The following PRR29 variants were observed in gnomAD, a reference collection of about 807,000 sequenced individuals.
PRR29 encodes proline-rich protein 29.
A neutral mutation model predicts 25.1 loss-of-function variants in PRR29; 20 were observed. That is an observed-to-expected ratio of 0.80 (90% CI 0.56 to 1.16). The LOEUF is 1.16. Among genes scored for constraint, PRR29 ranks in the 50% most tolerant of loss-of-function variants. PRR29 has a pLI of 0.00. For synonymous variants in PRR29, 108 were observed against 102.6 expected (o/e 1.05, Z -0.32); for missense variants, 238 against 246.6 (o/e 0.97, Z 0.23).
In PRR29 at chr17:64,001,523, T is replaced by C; in HGVS notation, c.527T>C (p.Val176Ala). Residue 176 changes from valine (V) to alanine (A), a missense_variant, in exon 5 of 6, where the codon GTA (valine) becomes GCA (alanine). Coordinates refer to ENST00000412177, the MANE Select transcript of PRR29 (RefSeq NM_001164257.2). ...PSATGTVGAD[V>A]PPASDYYDAE... ...GCCACAGGGACTGTGGGTGCTGATG[T>C]ACCCCCGGCTTCAGGTAGGGCTGGG... is the stretch of plus-strand genomic sequence containing the variant. The C allele has an allele frequency of 6.6e-7, 1 of 1,515,844 alleles. No homozygotes were observed. Among genetic ancestry groups the C allele is most frequent in the Admixed American group, 2.1e-5 (1 of 48,444 alleles). The allele number at this position is 1,515,844 out of a possible 1,614,324, so 93.9% of individuals were successfully genotyped here. A position where few individuals can be genotyped will look rare whatever the true frequency, so the allele number is the denominator to read the frequency against.
At chr17:64,001,431 C>T (rs1910734676) in intron 4 of PRR29, 36 bp from the exon 5 acceptor site, 69 of 1,498,584 alleles carry the variant, frequency 4.6e-5, no homozygotes, top group Non-Finnish European at 6.1e-5. Flanking sequence ...CACCCCTGGG[C>T]CTCTGATGGG....
At position 64,001,293 on chromosome 17, in the gene PRR29, C is replaced by T; in HGVS notation, c.453C>T (p.Ala151=). The T allele has an allele frequency of 6.5e-7, 1 of 1,536,202 alleles. No individual in the cohort carries two copies. The highest frequency in any genetic ancestry group is 1.2e-5 in the South Asian group (1 of 84,040). The change falls in exon 4 of 6, where the codon GCC becomes GCT. Residue 151 remains alanine, a synonymous_variant. Transcript: ENST00000412177. ...TGCCCAGGATTCAGCACTGTCCTGC[C>T]TCCAGGGAAAGGGAGGTGTAAGTGA... ...QDVPRIQHCP[A]SREREVRAVP... is the part of the protein sequence containing the mutation.
At chr17:63,998,939 G>A (rs778303277) in intron 2 of PRR29, 29 bp from the exon 3 acceptor site, 77 of 1,531,868 alleles carry the variant, frequency 5.0e-5, no homozygotes, top group Non-Finnish European at 6.2e-5. Flanking sequence ...CGGAGGCCCG[G>A]CGTGGGCTTG....
chr17:64,000,618 C>T (rs982251135), intron 3 of PRR29, among the ~76,000 whole-genome samples: 4 of 151,262 alleles, frequency 2.6e-5, no homozygotes, highest in Admixed American at 1.3e-4. Context: ...CATGAGCCAC[C>T]GCGCCCCGCC....
Position 64,002,647 on chromosome 17 carries a change from C to G in PRR29, c.*886C>G. 2 of 1,077,522 alleles carry G rather than the reference C, an allele frequency of 1.9e-6. No homozygotes were observed. The highest frequency in any genetic ancestry group is 1.6e-5 in the African/African-American group (1 of 63,872). The allele number at this position is 1,077,522 out of a possible 1,614,324, so 66.7% of individuals were successfully genotyped here. A position where few individuals can be genotyped will look rare whatever the true frequency, so the allele number is the denominator to read the frequency against. On this transcript the variant is annotated 3_prime_UTR_variant, in exon 6 of 6. Coordinates refer to ENST00000412177, the MANE Select transcript of PRR29 (RefSeq NM_001164257.2). ...GAAAAGGCAATGTCCCAAGTCTCTG[C>G]TGCCTGTCACAGTCCTTCAGCCAGG...
Position 64,003,038 on chromosome 17 carries a change from A to G in PRR29, c.*1277A>G, listed in dbSNP as rs1344055021. On this transcript the variant is annotated 3_prime_UTR_variant, in exon 6 of 6. Coordinates refer to ENST00000412177, the MANE Select transcript of PRR29 (RefSeq NM_001164257.2). ...GACCCCCAGACCCCGCCGCCCGCTCATGCATCCAGCAGTCACCCCAGTTGC... is the reference window on the plus strand; with the variant it reads ...GACCCCCAGACCCCGCCGCCCGCTCGTGCATCCAGCAGTCACCCCAGTTGC... The G allele has an allele frequency of 1.2e-6, 1 of 831,100 alleles. No homozygotes were observed. 51.5% of individuals were successfully genotyped at this position (831,100 alleles called of 1,614,324 possible).
intron 4 of PRR29, 42 bp from the exon 5 acceptor site, chr17:64,001,425 C>T: frequency 6.7e-7 from 1 of 1,488,106 alleles, no homozygotes; most frequent in Non-Finnish European, 9.0e-7. Flanking sequence ...AGAGGCCACC[C>T]CTGGGCCTCT....
At position 64,002,972 on chromosome 17, in the gene PRR29, T is replaced by G; in HGVS notation, c.*1211T>G. ...GTCTTAGACGTCCTGTGATCCCAGTTACCAGGGACCAAAAGGGAGTGGAAG... is the reference window on the plus strand; with the variant it reads ...GTCTTAGACGTCCTGTGATCCCAGTGACCAGGGACCAAAAGGGAGTGGAAG... On this transcript the variant is annotated 3_prime_UTR_variant, in exon 6 of 6. Coordinates refer to ENST00000412177, the MANE Select transcript of PRR29 (RefSeq NM_001164257.2). 1.3e-6 allele frequency: 2 copies of G among 1,570,252 alleles called. No homozygotes were observed. Among genetic ancestry groups the G allele is most frequent in the Non-Finnish European group, 1.7e-6 (2 of 1,149,360 alleles).
chr17:63,998,592 A>G, intron 1 of PRR29, 115 bp from the exon 2 acceptor site: 2 of 1,063,778 alleles, frequency 1.9e-6, no homozygotes. Context: ...GGCGGGGAGG[A>G]GAGAACCTGG....
chr17:64,000,343 T>A (rs1910559319), intron 3 of PRR29, among the ~76,000 whole-genome samples: 1 of 152,232 alleles, frequency 6.6e-6, no homozygotes, highest in Admixed American at 6.5e-5. Context: ...CTTTTTCTTT[T>A]TTTTGAGACG....
chr17:63,999,051 C>A lies in PRR29; in HGVS notation c.220C>A (p.Arg74=). ...SRLVAGALQP[R]PASPCPQVYL... ...CCTGGTGGCTGGAGCGCTGCAGCCC[C>A]GGCCTGCCTCGCCCTGCCCTCAGGT... The change falls in exon 3 of 6, where the codon CGG becomes AGG. Residue 74 remains arginine (R), a synonymous_variant. Transcript: ENST00000412177. 6.5e-7 allele frequency: 1 copy of A among 1,535,864 alleles called. No homozygotes were observed. The highest frequency in any genetic ancestry group is 8.7e-7 in the Non-Finnish European group (1 of 1,146,736).
chr17:64,002,333 C>T lies in PRR29; in HGVS notation c.*572C>T. 1 of 428,012 alleles carries T rather than the reference C, an allele frequency of 2.3e-6. No individual in the cohort carries two copies. 26.5% of individuals were successfully genotyped at this position (428,012 alleles called of 1,614,324 possible). A position where few individuals can be genotyped will look rare whatever the true frequency, so the allele number is the denominator to read the frequency against. On this transcript the variant is annotated 3_prime_UTR_variant, in exon 6 of 6. Coordinates refer to ENST00000412177, the MANE Select transcript of PRR29 (RefSeq NM_001164257.2). ...AGAAAGGAGAGGTCAGAGCTTTGTCCTGCTGTGGCCAGGAGTGGCCTGAGG... is the reference window on the plus strand; with the variant it reads ...AGAAAGGAGAGGTCAGAGCTTTGTCTTGCTGTGGCCAGGAGTGGCCTGAGG...
chr17:64,002,866 G>GATGTGTC lies in PRR29; in HGVS notation c.*1105_*1106insATGTGTC. 1 of 1,613,928 alleles carries GATGTGTC rather than the reference G, an allele frequency of 6.2e-7. No individual in the cohort carries two copies. The highest frequency in any genetic ancestry group is 8.5e-7 in the Non-Finnish European group (1 of 1,179,966). On this transcript the variant is annotated 3_prime_UTR_variant, in exon 6 of 6. Transcript: ENST00000412177. ...CAGAGCAGGACAGATGTCACGAACA[G>GATGTGTC]GGACAGCAACACCGACACCACCGTG...
At chr17:64,000,261 G>A (rs1047088897) in intron 3 of PRR29, among the ~76,000 whole-genome samples, 3 of 152,192 alleles carry the variant, frequency 2.0e-5, no homozygotes. Flanking sequence ...AGGAGTAAAT[G>A]TCTCCACAAT....
Position 63,998,771 on chromosome 17 carries a change from G to T in PRR29, c.125G>T (p.Arg42Leu), listed in dbSNP as rs1273729207. 3 of 1,524,516 alleles carry T rather than the reference G, an allele frequency of 2.0e-6. No individual in the cohort carries two copies. Among genetic ancestry groups the T allele is most frequent in the Middle Eastern group, 1.8e-4 (1 of 5,442 alleles). 94.4% of individuals were successfully genotyped at this position (1,524,516 alleles called of 1,614,324 possible). ...CCACCTGCGCCCCCGCAGCCAGGCCGCGTGAAGGAAGGTGAGACTCCCGGG... is the reference window on the plus strand; with the variant it reads ...CCACCTGCGCCCCCGCAGCCAGGCCTCGTGAAGGAAGGTGAGACTCCCGGG... ...AVPPAPPQPG[R>L]VKEDLLELMM... The change falls in exon 2 of 6, where the codon CGC becomes CTC. Residue 42 changes from arginine to leucine, a missense_variant. Physicochemically the swap from Arg to Leu is moderately radical, Grantham distance 102. Coordinates refer to ENST00000412177, the MANE Select transcript of PRR29 (RefSeq NM_001164257.2).
rs955368137 is a variant in PRR29, at chr17:64,004,052, T to C, written c.*2291T>C. On this transcript the variant is annotated 3_prime_UTR_variant, in exon 6 of 6. Coordinates refer to ENST00000412177, the MANE Select transcript of PRR29 (RefSeq NM_001164257.2). ...TGGCCAGGGCCATCTCCTGTCACCATGGTGTTCCACGGTTGGGGAGGAGGT... is the reference window on the plus strand; with the variant it reads ...TGGCCAGGGCCATCTCCTGTCACCACGGTGTTCCACGGTTGGGGAGGAGGT... The C allele has an allele frequency of 4.9e-5, 51 of 1,043,468 alleles. No homozygotes were observed. The highest frequency in any genetic ancestry group is 6.9e-5 in the Non-Finnish European group (50 of 725,956). 64.6% of individuals were successfully genotyped at this position (1,043,468 alleles called of 1,614,324 possible).
rs1323489240 is a variant in PRR29 at position 63,998,799 on chromosome 17, C to CCCCCA, written c.136+27_136+31dup. 6.9e-6 allele frequency: 7 copies of CCCCCA among 1,009,146 alleles called. No homozygotes were observed. The highest frequency in any genetic ancestry group is 1.0e-5 in the Non-Finnish European group (7 of 699,492). The allele number at this position is 1,009,146 out of a possible 1,614,324, so 62.5% of individuals were successfully genotyped here. The stretch of plus-strand genomic sequence containing the variant: ...TGAAGGAAGGTGAGACTCCCGGGTC[C>CCCCCA]CCCCACCCCACCCCCACCATCACCA... On this transcript the variant is annotated intron_variant, in intron 2 of 5. Transcript: ENST00000412177.
rs558598382 is a variant in PRR29, at chr17:63,998,693, G to A, written c.61-14G>A. 6.4e-4 allele frequency: 945 copies of A among 1,469,168 alleles called. 6 individuals carry two copies. The East Asian group carries it at 0.019, about 29-fold the overall frequency. The allele number at this position is 1,469,168 out of a possible 1,614,324, so 91.0% of individuals were successfully genotyped here. A position where few individuals can be genotyped will look rare whatever the true frequency, so the allele number is the denominator to read the frequency against. On this transcript the variant is annotated splice_polypyrimidine_tract_variant and intron_variant, in intron 1 of 5. Coordinates refer to ENST00000412177, the MANE Select transcript of PRR29 (RefSeq NM_001164257.2). ...CCCCCCACCCCACCTGGCTGACTCCGCGCACACCCCCAGCCCTGGGTCACC... is the reference window on the plus strand; with the variant it reads ...CCCCCCACCCCACCTGGCTGACTCCACGCACACCCCCAGCCCTGGGTCACC...
rs946000022 is a variant in PRR29 at position 64,003,399 on chromosome 17, G to A, written c.*1638G>A. On this transcript the variant is annotated 3_prime_UTR_variant, in exon 6 of 6. Coordinates refer to ENST00000412177, the MANE Select transcript of PRR29 (RefSeq NM_001164257.2). ...AGGGGAGCCAAGGCCAGGGAGAGCC[G>A]TCAAGGTCATGGGGCTTGATGGTGG... The A allele has an allele frequency of 2.4e-5, 13 of 545,102 alleles. No individual in the cohort carries two copies. The highest frequency in any genetic ancestry group is 1.1e-4 in the South Asian group (5 of 45,850). The allele number at this position is 545,102 out of a possible 1,614,324, so 33.8% of individuals were successfully genotyped here.
Sources: gnomAD v4.1 joint callset for allele counts (sites outside exome capture counted in the v4.1 genomes callset) on GRCh38, gnomAD v4.1.1 for gene constraint, MANE v1.5 for transcripts, NCBI Gene and HGNC (gene_info 2026-07-23, HGNC 2026-07-21) for gene names.